The following NRXN3 variants were observed in gnomAD, a reference collection of about 807,000 sequenced individuals.
The protein encoded by NRXN3 is neurexin III.
Under a neutral mutation model 137.6 loss-of-function variants are expected in NRXN3, and 32 were observed. The ratio of observed to expected loss-of-function variants is 0.23; its 90% CI spans 0.18 to 0.31. The LOEUF is 0.31. Ranked by LOEUF, NRXN3 falls within the 10% of genes least tolerant of loss-of-function variation. NRXN3 has a pLI of 1.00. For missense variants in NRXN3, 1,574 were observed against 2,062.5 expected (o/e 0.76, Z 4.59); for synonymous variants, 798 against 784.5 (o/e 1.02, Z -0.29).
intron 16 of NRXN3, among the ~76,000 whole-genome samples, chr14:79,511,909 G>A (rs913899915): frequency 6.6e-6 from 1 of 152,160 alleles, no homozygotes; most frequent in Non-Finnish European, 1.5e-5. Flanking sequence ...TGTTGTTCTT[G>A]TTGTTGTTTG....
At position 78,966,111 on chromosome 14, in the gene NRXN3, C is replaced by G. The variant is rs1257928558; in HGVS notation, c.2482C>G (p.Pro828Ala). 1.9e-6 allele frequency: 3 copies of G among 1,613,988 alleles called. No individual in the cohort carries two copies. The highest frequency in any genetic ancestry group is 2.5e-6 in the Non-Finnish European group (3 of 1,180,030). ...MTEKRYISVV[P>A]SSFIGHLQSL... ...TGAGAAACGCTACATCTCCGTTGTCCCCTCCAGCTTTATTGGCCATCTGCA... is the reference window on the plus strand; with the variant it reads ...TGAGAAACGCTACATCTCCGTTGTCGCCTCCAGCTTTATTGGCCATCTGCA... The change falls in exon 12 of 21, where the codon CCC becomes GCC. Residue 828 changes from proline to alanine, a missense_variant. Transcript: ENST00000335750.
At chr14:79,842,014 A>G (rs1456484895) in intron 20 of NRXN3, among the ~76,000 whole-genome samples, 2 of 152,260 alleles carry the variant, frequency 1.3e-5, no homozygotes, top group Non-Finnish European at 2.9e-5. Context: ...GCACCATATT[A>G]GGAACTATAG....
chr14:79,491,236 T>G (rs2096713824), intron 16 of NRXN3, among the ~76,000 whole-genome samples: 2 of 152,246 alleles, frequency 1.3e-5, no homozygotes, highest in South Asian at 2.1e-4. Context: ...AAAATTTGAA[T>G]CCATTTTGCC....
At position 78,966,029 on chromosome 14, in the gene NRXN3, A is replaced by C. The variant is rs139994818; in HGVS notation, c.2400A>C (p.Thr800=). 3.2e-5 allele frequency: 52 copies of C among 1,613,444 alleles called. No individual in the cohort carries two copies. In the African/African-American group the frequency reaches 6.8e-4, roughly 21 times the overall value. The change falls in exon 12 of 21, where the codon ACA becomes ACC. Residue 800 remains threonine (T), a synonymous_variant. Transcript: ENST00000335750. ...CCTCATTTACAATTTTCACAGGTAC[A>C]ATGGTGGGAGACCATACCCGTTTGG... The part of the protein sequence containing the change: ...LTVDDDVAEG[T]MVGDHTRLEF...
chr14:78,723,756 A>G (rs2098470649), intron 8 of NRXN3, among the ~76,000 whole-genome samples: 1 of 150,918 alleles, frequency 6.6e-6, no homozygotes, highest in Admixed American at 6.6e-5. Flanking sequence ...TTAGCAATGC[A>G]AGAATTGAAA....
intron 15 of NRXN3, among the ~76,000 whole-genome samples, chr14:79,378,489 G>A (rs1031586832): frequency 5.3e-5 from 8 of 152,204 alleles, no homozygotes; most frequent in Admixed American, 2.6e-4. Flanking sequence ...ATCACTGGGA[G>A]AAGGAAATGT....
At chr14:78,773,856 C>T (rs2098736520) in intron 8 of NRXN3, among the ~76,000 whole-genome samples, 1 of 152,130 alleles carries the variant, frequency 6.6e-6, no homozygotes, top group Admixed American at 6.5e-5. Flanking sequence ...GGTTGGAGTG[C>T]AGTGGCGCGA....
chr14:78,182,972 G>A (rs1469908516), intron 1 of NRXN3, among the ~76,000 whole-genome samples: 2 of 152,160 alleles, frequency 1.3e-5, no homozygotes, highest in African/African-American at 4.8e-5. Context: ...GTTCCCAGGC[G>A]GCGGACATCT....
intron 17 of NRXN3, among the ~76,000 whole-genome samples, chr14:79,666,083 T>C (rs1372802651): frequency 6.6e-6 from 1 of 152,106 alleles, no homozygotes; most frequent in Non-Finnish European, 1.5e-5. Context: ...TCCCCACATG[T>C]AATTCAAAAT....
chr14:78,910,195 T>C (rs1332590050), intron 10 of NRXN3, among the ~76,000 whole-genome samples: 4 of 152,208 alleles, frequency 2.6e-5, no homozygotes, highest in South Asian at 2.1e-4. Context: ...TTTACTTCCA[T>C]TGTAGATATA....
intron 15 of NRXN3, among the ~76,000 whole-genome samples, chr14:79,184,142 G>A (rs12436796): frequency 2.0e-5 from 3 of 152,106 alleles, no homozygotes; most frequent in Admixed American, 1.3e-4. Context: ...TAGTGTCAAA[G>A]AATTGATTAG....
chr14:79,595,405 ATT>A (rs1476879164), intron 16 of NRXN3, among the ~76,000 whole-genome samples: 2 of 152,230 alleles, frequency 1.3e-5, no homozygotes, highest in East Asian at 3.9e-4. Context: ...AAAATCTTAT[ATT>A]TTCTTTTTGT....
intron 20 of NRXN3, among the ~76,000 whole-genome samples, chr14:79,812,028 C>T (rs953352907): frequency 1.3e-5 from 2 of 152,210 alleles, no homozygotes; most frequent in South Asian, 2.1e-4. Flanking sequence ...GAAAGATCTA[C>T]TAATTAGCTC....
intron 19 of NRXN3, among the ~76,000 whole-genome samples, chr14:79,716,062 T>A (rs1208166456): frequency 1.3e-5 from 2 of 152,216 alleles, no homozygotes; most frequent in East Asian, 3.9e-4. Context: ...CCCATTATTA[T>A]GACTCATGAC....
At chr14:79,811,852 G>A (rs1034530823) in intron 20 of NRXN3, among the ~76,000 whole-genome samples, 1 of 151,870 alleles carries the variant, frequency 6.6e-6, no homozygotes, top group Non-Finnish European at 1.5e-5. Flanking sequence ...ACAGTGCTGG[G>A]ATTACAGCCG....
intron 20 of NRXN3, among the ~76,000 whole-genome samples, chr14:79,810,707 T>C (rs2099229243): frequency 6.6e-6 from 1 of 152,210 alleles, no homozygotes; most frequent in African/African-American, 2.4e-5. Flanking sequence ...TCTTAATCTT[T>C]ATCAGTCTGA....
At chr14:79,430,030 C>T (rs1343890196) in intron 15 of NRXN3, among the ~76,000 whole-genome samples, 1 of 151,856 alleles carries the variant, frequency 6.6e-6, no homozygotes, top group East Asian at 1.9e-4. Flanking sequence ...TCTCAGATCT[C>T]ATTGTATAAT....
chr14:79,170,950 ACTT>A (rs1221168889), intron 15 of NRXN3, among the ~76,000 whole-genome samples: 1 of 152,074 alleles, frequency 6.6e-6, no homozygotes, highest in African/African-American at 2.4e-5. Context: ...TCAAAATACT[ACTT>A]TTTCAAGGGG....
chr14:79,562,946 C>A (rs1422442268), intron 16 of NRXN3, among the ~76,000 whole-genome samples: 1 of 152,040 alleles, frequency 6.6e-6, no homozygotes, highest in Non-Finnish European at 1.5e-5. Context: ...ATGGAAAAAA[C>A]TTTGGAGACT....
Sources: gnomAD v4.1 joint callset for allele counts (sites outside exome capture counted in the v4.1 genomes callset) on GRCh38, gnomAD v4.1.1 for gene constraint, MANE v1.5 for transcripts, NCBI Gene and HGNC (gene_info 2026-07-23, HGNC 2026-07-21) for gene names.